RASGRF2: variants seen among roughly 807,000 people sequenced by gnomAD.
RASGRF2 encodes Ras protein specific guanine nucleotide releasing factor 2.
In RASGRF2, 76 loss-of-function variants were observed where a neutral mutation model predicts 151.0. That is an observed-to-expected ratio of 0.50 (90% CI 0.42 to 0.61). The LOEUF is 0.61. Ranked by LOEUF, RASGRF2 falls within the 20% of genes least tolerant of loss-of-function variation. RASGRF2 has a pLI of 0.00. For synonymous variants in RASGRF2, 504 were observed against 566.5 expected, an observed-to-expected ratio of 0.89 and a Z score of 1.57; for missense variants, 1,148 against 1,564.6, an observed-to-expected ratio of 0.73 and a Z score of 4.49.
intron 2 of RASGRF2, among the ~76,000 whole-genome samples, chr5:81,047,101 C>G (rs1561576218): frequency 6.6e-6 from 1 of 152,082 alleles, no homozygotes; most frequent in Non-Finnish European, 1.5e-5. Context: ...CGGTGTCACT[C>G]TTTGGGAGAA....
In RASGRF2 at chr5:81,070,762, T is replaced by TTTC. The variant is rs1751750198; in HGVS notation, c.633+184_633+186dup. 2.6e-5 allele frequency among the ~76,000 whole-genome samples: 4 copies of TTTC among 152,006 alleles called. No individual in the cohort carries two copies. The South Asian group carries it at 6.2e-4, about 24-fold the overall frequency. On this transcript the variant is annotated intron_variant, in intron 4 of 26. Coordinates refer to ENST00000265080, the MANE Select transcript of RASGRF2 (RefSeq NM_006909.3). The stretch of plus-strand genomic sequence containing the variant: ...TACTCTAGAGAATTTCTGCTTGAGA[T>TTTC]TTCTTTACACTGTCTAGGAAGGATG...
chr5:81,175,361 A>G (rs1395077430), intron 17 of RASGRF2, among the ~76,000 whole-genome samples: 4 of 152,236 alleles, frequency 2.6e-5, no homozygotes. Context: ...TGATCTTTCC[A>G]TAACAGCAAC....
intron 17 of RASGRF2, among the ~76,000 whole-genome samples, chr5:81,147,491 A>G (rs1754033122): frequency 6.6e-6 from 1 of 152,250 alleles, no homozygotes; most frequent in African/African-American, 2.4e-5. Flanking sequence ...AGCAAATTAT[A>G]CTTCACTGGT....
At chr5:81,213,986 TAC>T (rs986254728) in intron 23 of RASGRF2, among the ~76,000 whole-genome samples, 24 of 152,314 alleles carry the variant, frequency 1.6e-4, no homozygotes, top group African/African-American at 3.4e-4. Flanking sequence ...CTTGCACTAC[TAC>T]AGACAGTATC....
chr5:81,129,995 T>C (rs904437448), intron 17 of RASGRF2, among the ~76,000 whole-genome samples: 2 of 152,206 alleles, frequency 1.3e-5, no homozygotes, highest in African/African-American at 4.8e-5. Context: ...GCTTTCTGAC[T>C]AGCTTTCCCA....
chr5:81,077,496 G>A (rs1425773819), intron 5 of RASGRF2, among the ~76,000 whole-genome samples: 1 of 152,202 alleles, frequency 6.6e-6, no homozygotes, highest in Non-Finnish European at 1.5e-5. Flanking sequence ...AGTGCAGAAA[G>A]GAAGGGTGAT....
chr5:80,980,122 T>A (rs1748250184), intron 1 of RASGRF2, among the ~76,000 whole-genome samples: 1 of 152,204 alleles, frequency 6.6e-6, no homozygotes, highest in South Asian at 2.1e-4. Flanking sequence ...GTTACCTTTG[T>A]GATTTGAAAA....
At chr5:81,109,304 A>G (rs903002310) in intron 13 of RASGRF2, among the ~76,000 whole-genome samples, 6 of 152,226 alleles carry the variant, frequency 3.9e-5, no homozygotes, top group African/African-American at 1.4e-4. Context: ...TGTTTTTTAT[A>G]CTGTTACATA....
intron 1 of RASGRF2, among the ~76,000 whole-genome samples, chr5:80,984,717 T>C (rs1488632215): frequency 6.6e-6 from 1 of 152,206 alleles, no homozygotes; most frequent in Admixed American, 6.5e-5. Flanking sequence ...GTGTGTATAA[T>C]AAGTAGGCTC....
At chr5:80,985,046 C>CA (rs1172392709) in intron 1 of RASGRF2, among the ~76,000 whole-genome samples, 1 of 151,956 alleles carries the variant, frequency 6.6e-6, no homozygotes, top group East Asian at 1.9e-4. Context: ...CCCATCTCTA[C>CA]AAAAAATATG....
intron 1 of RASGRF2, among the ~76,000 whole-genome samples, chr5:81,025,386 T>C (rs1196413432): frequency 2.0e-5 from 3 of 152,190 alleles, no homozygotes; most frequent in South Asian, 2.1e-4. Context: ...AGCAAGCTCG[T>C]TGGAGCTCCT....
intron 17 of RASGRF2, among the ~76,000 whole-genome samples, chr5:81,132,166 G>C (rs1474144288): frequency 6.6e-6 from 1 of 152,114 alleles, no homozygotes; most frequent in Non-Finnish European, 1.5e-5. Context: ...GACGAGGGCA[G>C]AGATTTTTAT....
Position 81,018,621 on chromosome 5 carries a change from T to C in RASGRF2, c.289-24256T>C, listed in dbSNP as rs1039224212. Among the ~76,000 whole-genome samples the C allele has an allele frequency of 7.2e-5, 11 of 152,010 alleles. No individual in the cohort carries two copies. The East Asian group carries it at 2.1e-3, about 30-fold the overall frequency. On this transcript the variant is annotated intron_variant, in intron 1 of 26. Transcript: ENST00000265080. Reference sequence around the variant, plus strand: ...CATAAAACCCAGTTTCATCAATATATCCAATGTTTAAAATGCATTTCATTT... The same window carrying C: ...CATAAAACCCAGTTTCATCAATATACCCAATGTTTAAAATGCATTTCATTT...
intron 18 of RASGRF2, among the ~76,000 whole-genome samples, chr5:81,193,950 C>G (rs530238028): frequency 1.3e-5 from 2 of 152,230 alleles, no homozygotes; most frequent in East Asian, 3.9e-4. Context: ...GGATAAGATA[C>G]CTAGATTTTC....
chr5:81,211,177 G>C (rs183208427), intron 22 of RASGRF2, among the ~76,000 whole-genome samples: 1 of 149,412 alleles, frequency 6.7e-6, no homozygotes, highest in East Asian at 2.0e-4. Context: ...CAGTGCAGGC[G>C]TGACCTCTTC....
intron 1 of RASGRF2, among the ~76,000 whole-genome samples, chr5:81,025,293 C>G (rs2112346436): frequency 6.6e-6 from 1 of 152,322 alleles, no homozygotes; most frequent in Middle Eastern, 3.4e-3. Context: ...GGGTGTATTA[C>G]TTCCCACATG....
At chr5:80,964,771 A>AT (rs1468845844) in intron 1 of RASGRF2, among the ~76,000 whole-genome samples, 6 of 152,118 alleles carry the variant, frequency 3.9e-5, no homozygotes, top group African/African-American at 1.4e-4. Context: ...GAAAAACGGG[A>AT]TTTATTTTTA....
At chr5:81,071,524 A>G (rs751562763) in intron 4 of RASGRF2, among the ~76,000 whole-genome samples, 1 of 152,168 alleles carries the variant, frequency 6.6e-6, no homozygotes, top group South Asian at 2.1e-4. Context: ...ATTATATTTT[A>G]TATTCTTTTT....
chr5:81,153,416 C>G (rs764985592), intron 17 of RASGRF2, among the ~76,000 whole-genome samples: 19 of 152,130 alleles, frequency 1.2e-4, no homozygotes, highest in Non-Finnish European at 2.6e-4. Flanking sequence ...ACTGGAGTGG[C>G]CATAGCTGGC....
Sources: gnomAD v4.1 joint callset for allele counts (sites outside exome capture counted in the v4.1 genomes callset) on GRCh38, gnomAD v4.1.1 for gene constraint, MANE v1.5 for transcripts, NCBI Gene and HGNC (gene_info 2026-07-23, HGNC 2026-07-21) for gene names.